The following RMDN2 variants were observed in gnomAD, a reference collection of about 807,000 sequenced individuals.
RMDN2 encodes the protein regulator of microtubule dynamics protein 2.
Under a neutral mutation model 52.8 loss-of-function variants are expected in RMDN2, and 61 were observed. The observed-to-expected ratio is 1.16, with a 90% CI of 0.94 to 1.43. RMDN2 has a LOEUF of 1.43. Ranked by LOEUF, RMDN2 falls within the 40% of genes most tolerant of loss-of-function variation. The probability of loss-of-function intolerance (pLI) is 0.00; values close to 1 mark genes in which losing one functional copy is unlikely to be tolerated. For missense variants in RMDN2, 592 were observed against 475.3 expected, an observed-to-expected ratio of 1.25 and a Z score of -2.28; for synonymous variants, 180 against 153.1, an observed-to-expected ratio of 1.18 and a Z score of -1.30.
intron 1 of RMDN2, among the ~76,000 whole-genome samples, chr2:37,927,522 A>T (rs751097833): frequency 9.2e-5 from 14 of 152,212 alleles, no homozygotes; most frequent in Non-Finnish European, 1.8e-4. Flanking sequence ...GTAGATTTTT[A>T]CTTCTACTTA....
chr2:38,027,830 T>G (rs1157094006), intron 10 of RMDN2, among the ~76,000 whole-genome samples: 4 of 152,228 alleles, frequency 2.6e-5, no homozygotes, highest in African/African-American at 4.8e-5. Flanking sequence ...CATTGGAAAT[T>G]ATTAATGCCA....
intron 10 of RMDN2, among the ~76,000 whole-genome samples, chr2:38,004,776 G>A (rs1175763819): frequency 6.6e-6 from 1 of 151,654 alleles, no homozygotes; most frequent in Non-Finnish European, 1.5e-5. Flanking sequence ...TATGTGCCAT[G>A]TTGGTGTGCT....
chr2:37,987,825 G>C (rs373482282), intron 5 of RMDN2, among the ~76,000 whole-genome samples: 14 of 152,096 alleles, frequency 9.2e-5, no homozygotes, highest in Non-Finnish European at 4.4e-5. Context: ...TTGGGAGGTC[G>C]AGGTGGGCAG....
intron 10 of RMDN2, among the ~76,000 whole-genome samples, chr2:38,049,679 C>A (rs928739547): frequency 1.3e-5 from 2 of 152,122 alleles, no homozygotes; most frequent in African/African-American, 4.8e-5. Context: ...CTCAAGCAAT[C>A]CTCCTGTTTC....
At chr2:38,035,797 A>G (rs1322351409) in intron 10 of RMDN2, 1 of 152,188 alleles carries the variant, frequency 6.6e-6, no homozygotes, top group Non-Finnish European at 1.5e-5. Flanking sequence ...GTTTTCTCAT[A>G]GCACCATGAT....
At chr2:38,057,087 T>G (rs1681879608) in intron 10 of RMDN2, among the ~76,000 whole-genome samples, 1 of 152,190 alleles carries the variant, frequency 6.6e-6, no homozygotes, top group Admixed American at 6.5e-5. Context: ...GTGGAAATGA[T>G]GTACATAGAA....
chr2:38,007,173 TG>T (rs1402374490), intron 10 of RMDN2, among the ~76,000 whole-genome samples: 4 of 152,338 alleles, frequency 2.6e-5, no homozygotes, highest in African/African-American at 7.2e-5. Context: ...TCTCTTTTTT[TG>T]TTGTATCTCT....
rs529105153 is a variant in RMDN2, at chr2:38,012,681, A to G, written c.1180-4505A>G. On this transcript the variant is annotated intron_variant, in intron 10 of 10. Coordinates refer to ENST00000354545, the MANE Select transcript of RMDN2 (RefSeq NM_001170791.3). ...AAGGTATATTTCCATTTCTTTTTCC[A>G]TGAGAAAATAGGATGAAGTGAGTTA... The G allele has an allele frequency of 1.4e-5, 6 of 439,994 alleles. No individual in the cohort carries two copies. In the East Asian group the frequency reaches 2.8e-4, roughly 21 times the overall value. 27.3% of individuals were successfully genotyped at this position (439,994 alleles called of 1,614,324 possible).
At chr2:38,065,683 T>C (rs1458647775) in intron 10 of RMDN2, among the ~76,000 whole-genome samples, 1 of 152,228 alleles carries the variant, frequency 6.6e-6, no homozygotes, top group African/African-American at 2.4e-5. Flanking sequence ...AGGTGATGCA[T>C]GGCTATCAGA....
chr2:37,970,031 C>G (rs1384862339), intron 2 of RMDN2, among the ~76,000 whole-genome samples: 1 of 152,096 alleles, frequency 6.6e-6, no homozygotes, highest in African/African-American at 2.4e-5. Flanking sequence ...TTTCTAGACT[C>G]AAGCTATCCT....
intron 4 of RMDN2, among the ~76,000 whole-genome samples, chr2:37,978,835 C>G (rs1672925205): frequency 1.4e-5 from 2 of 144,308 alleles, no homozygotes; most frequent in South Asian, 4.4e-4. Flanking sequence ...TGTTTGCGAG[C>G]ATATGTAGCA....
intron 8 of RMDN2, among the ~76,000 whole-genome samples, chr2:38,000,872 G>T (rs1354939976): frequency 1.3e-5 from 2 of 152,188 alleles, no homozygotes; most frequent in African/African-American, 4.8e-5. Context: ...TGGAATTGTT[G>T]TGTCATATGG....
rs141671002 is a variant in RMDN2 at position 37,959,816 on chromosome 2, G to A, written c.453-14224G>A. Reference sequence around the variant, plus strand: ...CTATAAATTTCCCTCTAATCACTGCGTTAGCTGTGCCCCAGAGATTCTGGT... The same window carrying A: ...CTATAAATTTCCCTCTAATCACTGCATTAGCTGTGCCCCAGAGATTCTGGT... On this transcript the variant is annotated intron_variant, in intron 2 of 10. Coordinates refer to ENST00000354545, the MANE Select transcript of RMDN2 (RefSeq NM_001170791.3). 1.1e-3 allele frequency among the ~76,000 whole-genome samples: 171 copies of A among 150,920 alleles called. 2 individuals are homozygous for A. The East Asian group carries it at 0.026, about 23-fold the overall frequency.
At chr2:38,025,107 T>C (rs1332717189) in intron 10 of RMDN2, among the ~76,000 whole-genome samples, 1 of 152,162 alleles carries the variant, frequency 6.6e-6, no homozygotes, top group Non-Finnish European at 1.5e-5. Flanking sequence ...TCAATTTCAA[T>C]TGACATCAGT....
At chr2:37,926,930 T>A (rs1476356966) in intron 1 of RMDN2, among the ~76,000 whole-genome samples, 5 of 147,606 alleles carry the variant, frequency 3.4e-5, no homozygotes, top group Non-Finnish European at 6.0e-5. Context: ...AGCGAGACTC[T>A]AAAAAAAAAA....
intron 2 of RMDN2, among the ~76,000 whole-genome samples, chr2:37,944,698 G>A (rs1229402164): frequency 6.6e-6 from 1 of 152,182 alleles, no homozygotes; most frequent in Non-Finnish European, 1.5e-5. Context: ...AAATGAAAGA[G>A]AGGTAAATAT....
intron 10 of RMDN2, among the ~76,000 whole-genome samples, chr2:38,042,735 T>A (rs1190294756): frequency 1.3e-5 from 2 of 152,214 alleles, no homozygotes; most frequent in Admixed American, 6.5e-5. Flanking sequence ...TTTTAAAATT[T>A]CTCTTGAGAT....
intron 2 of RMDN2, among the ~76,000 whole-genome samples, chr2:37,940,949 G>C (rs942426747): frequency 2.0e-5 from 3 of 152,114 alleles, no homozygotes; most frequent in African/African-American, 4.8e-5. Context: ...GAGGAGTTGC[G>C]ATCCTTTGGA....
At chr2:37,928,216 G>C (rs1251823668) in intron 1 of RMDN2, among the ~76,000 whole-genome samples, 2 of 152,168 alleles carry the variant, frequency 1.3e-5, no homozygotes, top group Admixed American at 6.5e-5. Context: ...ATATACTCTA[G>C]TGAAATAGGA....
Sources: gnomAD v4.1 joint callset for allele counts (sites outside exome capture counted in the v4.1 genomes callset) on GRCh38, gnomAD v4.1.1 for gene constraint, MANE v1.5 for transcripts, NCBI Gene and HGNC (gene_info 2026-07-23, HGNC 2026-07-21) for gene names.